The following VPS13A variants were observed in gnomAD, a reference collection of about 807,000 sequenced individuals.
VPS13A encodes vacuolar protein sorting 13 homolog A.
In VPS13A, 264 loss-of-function variants were observed where a neutral mutation model predicts 390.9. The observed-to-expected ratio is 0.68, with a 90% CI of 0.61 to 0.75. The LOEUF is 0.75. Ranked by LOEUF, VPS13A falls within the 30% of genes least tolerant of loss-of-function variation. The pLI is 0.00. For missense variants in VPS13A, 3,409 were observed against 3,733.9 expected (o/e 0.91, Z 2.27); for synonymous variants, 1,231 against 1,227.1 (o/e 1.00, Z -0.07).
intron 68 of VPS13A, among the ~76,000 whole-genome samples, chr9:77,398,225 G>A (rs531932036): frequency 6.6e-6 from 1 of 152,262 alleles, no homozygotes; most frequent in African/African-American, 2.4e-5. Context: ...GGATATCAAA[G>A]ACATTTTTTG....
intron 17 of VPS13A, among the ~76,000 whole-genome samples, chr9:77,231,691 A>G (rs761656353): frequency 1.3e-5 from 2 of 151,894 alleles, no homozygotes; most frequent in Non-Finnish European, 2.9e-5. Context: ...ATTTCCTTCT[A>G]TTCTTTATTT....
rs1320022642 is a variant in VPS13A at position 77,313,126 on chromosome 9, A to C, written c.4115-866A>C. Among the ~76,000 whole-genome samples the C allele has an allele frequency of 2.0e-5, 3 of 152,210 alleles. No homozygotes were observed. In the East Asian group the frequency reaches 5.8e-4, roughly 29 times the overall value. On this transcript the variant is annotated intron_variant, in intron 35 of 71. Transcript: ENST00000360280. ...CTTGTACATGCAGCAACATGGTTGAATCTCAGAAACATTATTTTGACTGAA... is the reference window on the plus strand; with the variant it reads ...CTTGTACATGCAGCAACATGGTTGACTCTCAGAAACATTATTTTGACTGAA...
At chr9:77,382,714 GC>G in intron 68 of VPS13A, 1 of 987,962 alleles carries the variant, frequency 1.0e-6, no homozygotes, top group Non-Finnish European at 1.2e-6. Flanking sequence ...TGCTTAAATG[GC>G]CATGACCCTC....
chr9:77,306,652 A>G (rs1180970082), intron 34 of VPS13A, among the ~76,000 whole-genome samples: 3 of 152,130 alleles, frequency 2.0e-5, no homozygotes. Flanking sequence ...GAAGGCCTCC[A>G]ACTTCAATAC....
intron 1 of VPS13A, among the ~76,000 whole-genome samples, chr9:77,185,989 A>G (rs1181078405): frequency 1.3e-5 from 2 of 152,172 alleles, no homozygotes; most frequent in Non-Finnish European, 2.9e-5. Flanking sequence ...TTTGCTGAGC[A>G]TGGTAATGTG....
intron 23 of VPS13A, among the ~76,000 whole-genome samples, chr9:77,264,590 C>T (rs1825930897): frequency 6.6e-6 from 1 of 152,084 alleles, no homozygotes; most frequent in Admixed American, 6.5e-5. Flanking sequence ...TTATTTGGCT[C>T]TCTGTTTGTC....
chr9:77,382,285 A>G (rs1246825108), intron 68 of VPS13A, 198 bp downstream of exon 68: 2 of 1,526,708 alleles, frequency 1.3e-6, no homozygotes, highest in Admixed American at 2.1e-5. Context: ...ACAGGCATCA[A>G]AAAGTTTGAT....
intron 71 of VPS13A, among the ~76,000 whole-genome samples, chr9:77,415,389 A>G (rs998448195): frequency 6.6e-5 from 10 of 152,224 alleles, no homozygotes; most frequent in African/African-American, 2.4e-4. Flanking sequence ...ATCTTTATAT[A>G]TTAGAATAAG....
chr9:77,208,361 G>A (rs1825795021), intron 5 of VPS13A, among the ~76,000 whole-genome samples: 1 of 152,084 alleles, frequency 6.6e-6, no homozygotes, highest in African/African-American at 2.4e-5. Flanking sequence ...TAGGCAATTA[G>A]AGGAAAAGAT....
chr9:77,358,787 A>G (rs546857401), intron 57 of VPS13A, among the ~76,000 whole-genome samples: 19 of 152,198 alleles, frequency 1.2e-4, no homozygotes, highest in South Asian at 2.1e-4. Flanking sequence ...AAACTGTCCT[A>G]TGTTCTCCAA....
intron 67 of VPS13A, among the ~76,000 whole-genome samples, chr9:77,375,198 G>A (rs1324649418): frequency 6.6e-6 from 1 of 151,854 alleles, no homozygotes; most frequent in Non-Finnish European, 1.5e-5. Context: ...TCTGTACCCA[G>A]GTATATTACC....
Position 77,221,397 on chromosome 9 carries a change from A to G in VPS13A, c.1161+41A>G, listed in dbSNP as rs1483774587. On this transcript the variant is annotated intron_variant, in intron 13 of 71. Transcript: ENST00000360280. The stretch of plus-strand genomic sequence containing the variant: ...GAAATTGTTGAGTGTTTTATACTAC[A>G]TAGCTCCTTATTGGTCTTCAGTGAC... The G allele has an allele frequency of 5.0e-6, 8 of 1,602,228 alleles. No homozygotes were observed. The South Asian group carries it at 8.8e-5, about 18-fold the overall frequency.
intron 71 of VPS13A, among the ~76,000 whole-genome samples, chr9:77,410,802 T>C (rs952828312): frequency 6.6e-6 from 1 of 152,106 alleles, no homozygotes; most frequent in Non-Finnish European, 1.5e-5. Flanking sequence ...AGCAAGTCCT[T>C]AGAGACCTAC....
At chr9:77,263,570 T>G (rs1369206729) in intron 23 of VPS13A, among the ~76,000 whole-genome samples, 3 of 152,248 alleles carry the variant, frequency 2.0e-5, no homozygotes, top group African/African-American at 7.2e-5. Flanking sequence ...TTCATATCCT[T>G]CGCCTACTTT....
rs117026448 is a variant in VPS13A, at chr9:77,229,651, G to A, written c.1595+1387G>A. 8.5e-3 allele frequency among the ~76,000 whole-genome samples: 1,287 copies of A among 152,180 alleles called. 10 individuals carry two copies. Among genetic ancestry groups the A allele is most frequent in the South Asian group, 0.014 (66 of 4,826 alleles). On this transcript the variant is annotated intron_variant, in intron 17 of 71. Transcript: ENST00000360280. ...GTAATCTCTATTATGGACGCATCAC[G>A]TTTTGTTTATCCATTTAACTGTTGA... is the stretch of plus-strand genomic sequence containing the variant.
Position 77,226,452 on chromosome 9 carries a change from T to G in VPS13A, c.1225-14T>G. On this transcript the variant is annotated splice_polypyrimidine_tract_variant and intron_variant, in intron 14 of 71. Coordinates refer to ENST00000360280, the MANE Select transcript of VPS13A (RefSeq NM_033305.3). ...GGATAATGTGTCATTTATTTGAAAA[T>G]TTATTCATTTTAGGTAAAGAAAGCT... 2 of 1,595,616 alleles carry G rather than the reference T, an allele frequency of 1.3e-6. No homozygotes were observed. The highest frequency in any genetic ancestry group is 1.7e-6 in the Non-Finnish European group (2 of 1,163,792).
Position 77,331,790 on chromosome 9 carries a change from T to G in VPS13A, c.5992-220T>G, listed in dbSNP as rs79013015. On this transcript the variant is annotated intron_variant, in intron 45 of 71. Transcript: ENST00000360280. ...ATTATCTTATTCCCCTGTAGGATGC[T>G]TAAAGTCTGTTTTTGAGATTCCTAT... Among the ~76,000 whole-genome samples the G allele has an allele frequency of 8.6e-4, 131 of 152,152 alleles. 3 individuals are homozygous for G. The East Asian group carries it at 0.013, about 15-fold the overall frequency.
rs980578291 is a variant in VPS13A at position 77,361,592 on chromosome 9, C to G, written c.8211+951C>G. Among the ~76,000 whole-genome samples, 35 of 151,978 alleles carry G rather than the reference C, an allele frequency of 2.3e-4. 2 individuals are homozygous for G. The highest frequency in any genetic ancestry group is 1.5e-5 in the Non-Finnish European group (1 of 67,920). On this transcript the variant is annotated intron_variant, in intron 59 of 71. Coordinates refer to ENST00000360280, the MANE Select transcript of VPS13A (RefSeq NM_033305.3). ...CAAAAACTTTATTAAAAGTCTTAAACTATTTAAACTTAATCACCATGTGAT... is the reference window on the plus strand; with the variant it reads ...CAAAAACTTTATTAAAAGTCTTAAAGTATTTAAACTTAATCACCATGTGAT...
intron 1 of VPS13A, among the ~76,000 whole-genome samples, chr9:77,192,148 T>C (rs1053465024): frequency 2.0e-5 from 3 of 152,202 alleles, no homozygotes; most frequent in African/African-American, 7.2e-5. Context: ...CTGTTTTGTC[T>C]GAAATAAGTT....
Sources: allele counts gnomAD v4.1 joint callset (sites outside exome capture counted in the v4.1 genomes callset), GRCh38; gene constraint gnomAD v4.1.1; transcripts MANE v1.5; gene names NCBI Gene and HGNC (gene_info 2026-07-23, HGNC 2026-07-21).